Variants in UBE2D2 observed in about 807,000 individuals in gnomAD.
The protein encoded by UBE2D2 is ubiquitin conjugating enzyme E2 D2.
In UBE2D2, 2 loss-of-function variants were observed where a neutral mutation model predicts 24.2. The ratio of observed to expected loss-of-function variants is 0.08; its 90% CI spans 0.03 to 0.26. The LOEUF is 0.26. UBE2D2 is among the 10% of genes least tolerant of loss of function. UBE2D2 has a pLI of 1.00. For synonymous variants in UBE2D2, 58 were observed against 56.5 expected (o/e 1.03, Z -0.12); for missense variants, 44 against 177.6 (o/e 0.25, Z 4.28).
chr5:139,598,595 C>G (rs1402339553), intron 1 of UBE2D2, among the ~76,000 whole-genome samples: 3 of 130,552 alleles, frequency 2.3e-5, no homozygotes, highest in Non-Finnish European at 4.7e-5. Flanking sequence ...GAGTCTCCCT[C>G]TGTCACCCAG....
chr5:139,625,122 A>G (rs950919779), intron 6 of UBE2D2, among the ~76,000 whole-genome samples: 7 of 150,620 alleles, frequency 4.6e-5, no homozygotes, highest in Non-Finnish European at 7.4e-5. Flanking sequence ...CAGTGGCACA[A>G]TCGTGGCTCA....
At chr5:139,547,507 C>A (rs1446404041) in intron 1 of UBE2D2, among the ~76,000 whole-genome samples, 1 of 151,556 alleles carries the variant, frequency 6.6e-6, no homozygotes, top group Non-Finnish European at 1.5e-5. Flanking sequence ...GGCCACCATG[C>A]CTGGCTTTTT....
intron 1 of UBE2D2, among the ~76,000 whole-genome samples, chr5:139,537,724 G>T (rs759885721): frequency 6.6e-6 from 1 of 151,804 alleles, no homozygotes; most frequent in Non-Finnish European, 1.5e-5. Context: ...CAGCACTTTG[G>T]GAGGCCAAGG....
intron 1 of UBE2D2, among the ~76,000 whole-genome samples, chr5:139,589,905 C>T (rs1246381011): frequency 1.3e-5 from 2 of 151,990 alleles, no homozygotes; most frequent in Non-Finnish European, 2.9e-5. Flanking sequence ...CTGCCTCAGC[C>T]TCCCGAGTAG....
chr5:139,527,224 G>A (rs1295160036), intron 1 of UBE2D2, among the ~76,000 whole-genome samples: 3 of 152,110 alleles, frequency 2.0e-5, no homozygotes, highest in Non-Finnish European at 4.4e-5. Context: ...AAGGTAACCT[G>A]TAAGCCAAAG....
At chr5:139,556,474 T>C (rs1198789914), upstream of UBE2D2, among the ~76,000 whole-genome samples, 3 of 150,142 alleles carry the variant, frequency 2.0e-5, no homozygotes, top group African/African-American at 2.4e-5. Flanking sequence ...TTAAAGTAGG[T>C]AGAAATAACA....
intron 5 of UBE2D2, among the ~76,000 whole-genome samples, chr5:139,616,753 C>A (rs960974065): frequency 1.3e-5 from 2 of 152,084 alleles, no homozygotes; most frequent in South Asian, 4.1e-4. Flanking sequence ...TTTATTTATA[C>A]TAAGAAAACA....
chr5:139,586,112 T>C (rs1464459027), intron 1 of UBE2D2, among the ~76,000 whole-genome samples: 1 of 151,968 alleles, frequency 6.6e-6, no homozygotes, highest in Non-Finnish European at 1.5e-5. Flanking sequence ...TTCTTTTTAA[T>C]TGCAAATGTT....
At chr5:139,555,924 C>CA (rs1168084041) in intron 1 of UBE2D2, among the ~76,000 whole-genome samples, 713 of 9,316 alleles carry the variant, frequency 0.077, 220 homozygotes, top group Non-Finnish European at 0.11. Flanking sequence ...GACTCCATCT[C>CA]AAAAAAAAAA....
At chr5:139,598,196 CT>C (rs34719091) in intron 1 of UBE2D2, among the ~76,000 whole-genome samples, 1 of 151,970 alleles carries the variant, frequency 6.6e-6, no homozygotes, top group African/African-American at 2.4e-5. Flanking sequence ...GTGCCTGGCC[CT>C]TTTTCAAACT....
At chr5:139,610,548 A>T (rs71587294) in intron 2 of UBE2D2, among the ~76,000 whole-genome samples, 34,757 of 151,060 alleles carry the variant, frequency 0.23, 4,273 homozygotes, top group Middle Eastern at 0.32. Flanking sequence ...TCAAAAAAAA[A>T]ATATATTTTT....
rs187656010 is a variant in UBE2D2 at position 139,584,572 on chromosome 5, G to T, written c.25-15800G>T. On this transcript the variant is annotated intron_variant, in intron 1 of 6. Coordinates refer to ENST00000398733, the MANE Select transcript of UBE2D2 (RefSeq NM_003339.3). Reference sequence around the variant, plus strand: ...TTGAGACAAGAGTTTCGCTCTTGTTGCCCAGTCTGGAGTGCAGTGGCGCGA... The same window carrying T: ...TTGAGACAAGAGTTTCGCTCTTGTTTCCCAGTCTGGAGTGCAGTGGCGCGA... Among the ~76,000 whole-genome samples, 101 of 116,592 alleles carry T rather than the reference G, an allele frequency of 8.7e-4. 1 individual carries two copies. Among genetic ancestry groups the T allele is most frequent in the African/African-American group, 3.5e-3 (95 of 27,248 alleles). 76.5% of individuals were successfully genotyped at this position (116,592 alleles called of 152,430 possible).
At chr5:139,567,387 C>T (rs1165029529) in intron 1 of UBE2D2, among the ~76,000 whole-genome samples, 1 of 151,544 alleles carries the variant, frequency 6.6e-6, no homozygotes, top group East Asian at 1.9e-4. Context: ...CATGAGACAC[C>T]GTGCCCGGCC....
At chr5:139,562,194 G>T (rs374256428) in intron 1 of UBE2D2, 6 of 1,380,718 alleles carry the variant, frequency 4.3e-6, no homozygotes, top group Non-Finnish European at 5.7e-6. Context: ...GACAGAGGTC[G>T]AAAGGGCTTC....
At chr5:139,586,764 CAAA>C (rs202003854) in intron 1 of UBE2D2, among the ~76,000 whole-genome samples, 1 of 138,892 alleles carries the variant, frequency 7.2e-6, no homozygotes, top group Non-Finnish European at 1.6e-5. Flanking sequence ...GACTCCGTCT[CAAA>C]AAAAAAAAGA....
intron 1 of UBE2D2, among the ~76,000 whole-genome samples, chr5:139,531,030 AAAAAC>A (rs1752590806): frequency 6.6e-6 from 1 of 152,244 alleles, no homozygotes; most frequent in African/African-American, 2.4e-5. Context: ...CATAAGTAGC[AAAAAC>A]AAAAGTGAGA....
At chr5:139,561,847 C>A in intron 1 of UBE2D2, 32 bp downstream of exon 1, 1 of 1,474,982 alleles carries the variant, frequency 6.8e-7, no homozygotes, top group South Asian at 1.4e-5. Context: ...GCGCTGCTGG[C>A]CAGCTGAGCA....
chr5:139,570,405 A>G (rs1163581038), intron 1 of UBE2D2, among the ~76,000 whole-genome samples: 3 of 152,138 alleles, frequency 2.0e-5, no homozygotes, highest in Non-Finnish European at 2.9e-5. Flanking sequence ...CAGTTGTGCA[A>G]TCTCGGCTCA....
chr5:139,579,686 T>A (rs574773673), intron 1 of UBE2D2, among the ~76,000 whole-genome samples: 1 of 152,306 alleles, frequency 6.6e-6, no homozygotes, highest in South Asian at 2.1e-4. Context: ...GCAGTTTTCA[T>A]GGACCAGGCA....
Sources: gnomAD v4.1 joint callset for allele counts (sites outside exome capture counted in the v4.1 genomes callset) on GRCh38, gnomAD v4.1.1 for gene constraint, MANE v1.5 for transcripts, NCBI Gene and HGNC (gene_info 2026-07-23, HGNC 2026-07-21) for gene names.